Variants in PACRG observed in about 807,000 individuals in gnomAD.
PACRG encodes parkin coregulated, also known as parkin coregulated gene protein.
Under a neutral mutation model 29.7 loss-of-function variants are expected in PACRG, and 29 were observed. The observed-to-expected ratio is 0.98, with a 90% CI of 0.73 to 1.33. The LOEUF (loss-of-function observed/expected upper bound fraction) is 1.33. PACRG is among the 40% of genes most tolerant of loss of function. PACRG has a pLI of 0.00. For synonymous variants in PACRG, 116 were observed against 118.7 expected (o/e 0.98, Z 0.15); for missense variants, 279 against 316.2 (o/e 0.88, Z 0.89).
At chr6:162,946,100 T>C (rs1188922844) in intron 2 of PACRG, among the ~76,000 whole-genome samples, 1 of 151,178 alleles carries the variant, frequency 6.6e-6, no homozygotes, top group Non-Finnish European at 1.5e-5. Flanking sequence ...CTCAAGGAAA[T>C]AGAAAGTCAA....
chr6:163,038,470 G>T (rs1239580206), intron 2 of PACRG, among the ~76,000 whole-genome samples: 1 of 152,188 alleles, frequency 6.6e-6, no homozygotes, highest in African/African-American at 2.4e-5. Flanking sequence ...GCCTTTGGTA[G>T]ATGAGTGACA....
At chr6:162,846,348 C>T (rs1353216885) in intron 2 of PACRG, among the ~76,000 whole-genome samples, 2 of 152,178 alleles carry the variant, frequency 1.3e-5, no homozygotes, top group African/African-American at 4.8e-5. Flanking sequence ...ACGGGAAGTG[C>T]ATTCTCATAG....
chr6:162,994,968 C>G (rs1458584271), intron 2 of PACRG, among the ~76,000 whole-genome samples: 2 of 150,014 alleles, frequency 1.3e-5, no homozygotes, highest in East Asian at 2.0e-4. Flanking sequence ...CAGACAGCAC[C>G]CTCAGCTGCA....
At chr6:163,178,704 A>G (rs1429354886) in intron 4 of PACRG, among the ~76,000 whole-genome samples, 1 of 152,174 alleles carries the variant, frequency 6.6e-6, no homozygotes, top group Non-Finnish European at 1.5e-5. Flanking sequence ...CATTAATGAA[A>G]CTGCTAGGAG....
chr6:163,126,424 C>T (rs1008993116), intron 4 of PACRG, among the ~76,000 whole-genome samples: 1 of 152,156 alleles, frequency 6.6e-6, no homozygotes, highest in African/African-American at 2.4e-5. Flanking sequence ...GAACTAATTT[C>T]TATGGCATTT....
At chr6:162,956,346 G>A (rs2128137348) in intron 2 of PACRG, among the ~76,000 whole-genome samples, 1 of 152,296 alleles carries the variant, frequency 6.6e-6, no homozygotes, top group South Asian at 2.1e-4. Flanking sequence ...TTCCTTTTAA[G>A]TAGTTTAAGT....
intron 4 of PACRG, among the ~76,000 whole-genome samples, chr6:163,154,295 G>A (rs963162507): frequency 6.6e-6 from 1 of 152,218 alleles, no homozygotes; most frequent in African/African-American, 2.4e-5. Context: ...ATCCTTCATT[G>A]GCCAGTGCCA....
intron 2 of PACRG, among the ~76,000 whole-genome samples, chr6:163,032,999 T>G (rs1807809765): frequency 6.6e-6 from 1 of 152,180 alleles, no homozygotes; most frequent in African/African-American, 2.4e-5. Flanking sequence ...TACAATTAAT[T>G]TTTCACAAAC....
intron 4 of PACRG, among the ~76,000 whole-genome samples, chr6:163,097,159 G>A (rs1405228520): frequency 1.3e-5 from 2 of 152,188 alleles, no homozygotes; most frequent in African/African-American, 4.8e-5. Context: ...TCTTTCCACT[G>A]TGTTCTGTTT....
intron 3 of PACRG, among the ~76,000 whole-genome samples, chr6:163,087,503 A>G (rs1813683462): frequency 6.6e-6 from 1 of 150,668 alleles, no homozygotes; most frequent in Admixed American, 6.6e-5. Context: ...AGAGGAGGTG[A>G]GGATGGAAAC....
chr6:163,072,135 C>A (rs1853746), intron 3 of PACRG, among the ~76,000 whole-genome samples: 75,198 of 150,680 alleles, frequency 0.5, 21,595 homozygotes, highest in East Asian at 0.96. Flanking sequence ...CACATTAAAA[C>A]AAAAAGAAAG....
intron 1 of PACRG, among the ~76,000 whole-genome samples, chr6:162,764,946 A>G (rs1248365906): frequency 2.0e-5 from 3 of 151,800 alleles, no homozygotes; most frequent in Non-Finnish European, 4.4e-5. Flanking sequence ...GGGTTTCACC[A>G]TGTTGGTCAG....
intron 4 of PACRG, among the ~76,000 whole-genome samples, chr6:163,115,655 G>A (rs1466737627): frequency 6.6e-6 from 1 of 152,100 alleles, no homozygotes; most frequent in Non-Finnish European, 1.5e-5. Flanking sequence ...GCAGGACGAG[G>A]CTGCGATTGC....
intron 1 of PACRG, among the ~76,000 whole-genome samples, chr6:162,781,049 G>A (rs976115): frequency 1.3e-5 from 2 of 151,604 alleles, no homozygotes; most frequent in African/African-American, 2.4e-5. Flanking sequence ...TCAGTAAAAC[G>A]CAAACACAAG....
chr6:162,933,599 A>ATTTTTTTTT (rs1412640418), intron 2 of PACRG, among the ~76,000 whole-genome samples: 1 of 74,860 alleles, frequency 1.3e-5, no homozygotes, highest in African/African-American at 6.2e-5. Context: ...GACTTTCTGT[A>ATTTTTTTTT]TCTTTTTTTT....
At chr6:163,082,563 C>T (rs988356436) in intron 3 of PACRG, among the ~76,000 whole-genome samples, 3 of 152,048 alleles carry the variant, frequency 2.0e-5, no homozygotes, top group Non-Finnish European at 4.4e-5. Context: ...TTTTTAAAAG[C>T]GCTTATCTTT....
chr6:163,116,776 A>G (rs1208501841), intron 4 of PACRG, among the ~76,000 whole-genome samples: 1 of 152,232 alleles, frequency 6.6e-6, no homozygotes. Flanking sequence ...TGAAGAGTTC[A>G]TTAAGTATGG....
At chr6:162,968,562 A>C (rs187726790) in intron 2 of PACRG, among the ~76,000 whole-genome samples, 90 of 152,330 alleles carry the variant, frequency 5.9e-4, no homozygotes, top group African/African-American at 2.0e-3. Context: ...CACATTTCTG[A>C]GTTAACTTCC....
rs901634747 is a variant in PACRG, at chr6:163,089,254, T to C, written c.464-5T>C. On this transcript the variant is annotated splice_polypyrimidine_tract_variant and splice_region_variant and intron_variant, in intron 3 of 4. Coordinates refer to ENST00000366888, the MANE Select transcript of PACRG (RefSeq NM_001080379.2). ...TTTCTGCTTGGTCCTTCTTTTACCATATAGATGCCTTGAACCTCCGAAACC... is the reference window on the plus strand; with the variant it reads ...TTTCTGCTTGGTCCTTCTTTTACCACATAGATGCCTTGAACCTCCGAAACC... 6.8e-6 allele frequency: 11 copies of C among 1,612,926 alleles called. No homozygotes were observed. Among genetic ancestry groups the C allele is most frequent in the Non-Finnish European group, 8.5e-6 (10 of 1,179,312 alleles).
Sources: allele counts gnomAD v4.1 joint callset (sites outside exome capture counted in the v4.1 genomes callset), GRCh38; gene constraint gnomAD v4.1.1; transcripts MANE v1.5; gene names NCBI Gene and HGNC (gene_info 2026-07-23, HGNC 2026-07-21).